UBR3: variants seen among roughly 807,000 people sequenced by gnomAD.
The protein encoded by UBR3 is E3 ubiquitin-protein ligase UBR3.
Under a neutral mutation model 243.2 loss-of-function variants are expected in UBR3, and 85 were observed. The observed-to-expected ratio is 0.35, with a 90% CI of 0.29 to 0.42. The LOEUF (loss-of-function observed/expected upper bound fraction) is 0.42, where lower values mean the gene tolerates loss of function less well. Ranked by LOEUF, UBR3 falls within the 10% of genes least tolerant of loss-of-function variation. The probability of loss-of-function intolerance (pLI) is 1.00; values close to 1 mark genes in which losing one functional copy is unlikely to be tolerated. For missense variants in UBR3, 1,686 were observed against 2,300.8 expected (o/e 0.73, Z 5.47); for synonymous variants, 748 against 799.8 (o/e 0.94, Z 1.09).
chr2:169,929,002 G>T, intron 18 of UBR3, 134 bp downstream of exon 18: 1 of 763,328 alleles, frequency 1.3e-6, no homozygotes, highest in Non-Finnish European at 1.8e-6. Context: ...TGTTATAAAT[G>T]TATGTCTTTA....
rs552821302 is a variant in UBR3 at position 170,080,496 on chromosome 2, T to C, written c.5410-49T>C. ...CATTAATATATTCTTGATTTTATTA[T>C]AAAGCCTATTTGATTATGAAGTTCA... On this transcript the variant is annotated intron_variant, in intron 37 of 38. Transcript: ENST00000272793. The C allele has an allele frequency of 2.7e-6, 4 of 1,493,714 alleles. No individual in the cohort carries two copies. The South Asian group carries it at 4.0e-5, about 15-fold the overall frequency. The allele number at this position is 1,493,714 out of a possible 1,614,324, so 92.5% of individuals were successfully genotyped here.
intron 5 of UBR3, among the ~76,000 whole-genome samples, chr2:169,881,880 T>C (rs1304808621): frequency 2.2e-5 from 3 of 133,692 alleles, no homozygotes; most frequent in African/African-American, 8.2e-5. Context: ...TACATATAGG[T>C]ATATGTGTAC....
At chr2:169,886,978 A>G (rs2084126620) in intron 5 of UBR3, among the ~76,000 whole-genome samples, 1 of 152,060 alleles carries the variant, frequency 6.6e-6, no homozygotes, top group Non-Finnish European at 1.5e-5. Context: ...TTCTTTGAGT[A>G]TTGTTGTAAC....
chr2:169,852,467 G>A (rs2082688413), intron 1 of UBR3, among the ~76,000 whole-genome samples: 1 of 152,056 alleles, frequency 6.6e-6, no homozygotes, highest in Non-Finnish European at 1.5e-5. Flanking sequence ...TGCCTATGGC[G>A]GCTTTCACTC....
At chr2:169,856,079 G>T (rs2082841405) in intron 1 of UBR3, among the ~76,000 whole-genome samples, 1 of 151,542 alleles carries the variant, frequency 6.6e-6, no homozygotes, top group Non-Finnish European at 1.5e-5. Flanking sequence ...CCCAGACGGG[G>T]CGGCTGCCGG....
At chr2:169,836,794 T>C (rs1037972276) in intron 1 of UBR3, among the ~76,000 whole-genome samples, 1 of 152,202 alleles carries the variant, frequency 6.6e-6, no homozygotes, top group African/African-American at 2.4e-5. Context: ...GGCTTCTTTC[T>C]TGGTGAACTG....
intron 19 of UBR3, among the ~76,000 whole-genome samples, chr2:169,940,520 A>G (rs73015785): frequency 0.044 from 6,628 of 152,252 alleles, 166 homozygotes; most frequent in Middle Eastern, 0.068. Context: ...TGCATTCTAC[A>G]TAGTCAATTT....
chr2:169,991,908 A>G (rs73017675), intron 25 of UBR3, among the ~76,000 whole-genome samples: 6,519 of 152,242 alleles, frequency 0.043, 155 homozygotes, highest in Middle Eastern at 0.061. Context: ...TAAACAACCA[A>G]TGGGCCAAAG....
At chr2:170,070,814 T>A (rs1007517418) in intron 35 of UBR3, among the ~76,000 whole-genome samples, 1 of 152,174 alleles carries the variant, frequency 6.6e-6, no homozygotes, top group African/African-American at 2.4e-5. Context: ...GAATTGTATA[T>A]ATTAAAAGAG....
rs756685691 is a variant in UBR3, at chr2:169,872,320, T to C, written c.630T>C (p.Leu210=). Residue 210 remains leucine, a synonymous_variant, in exon 2 of 39, where the codon CTT becomes CTC. Coordinates refer to ENST00000272793, the MANE Select transcript of UBR3 (RefSeq NM_172070.4). ...KDLLMMSEFV[L]PRFIFCLIQY... is the part of the protein sequence containing the mutation. ...TACTGATGATGTCTGAATTTGTTCT[T>C]CCAAGATTTATATTTTGTCTTATTC... 6.2e-5 allele frequency: 94 copies of C among 1,526,588 alleles called. No homozygotes were observed. The African/African-American group carries it at 1.2e-3, about 19-fold the overall frequency. 94.6% of individuals were successfully genotyped at this position (1,526,588 alleles called of 1,614,324 possible). A position where few individuals can be genotyped will look rare whatever the true frequency, so the allele number is the denominator to read the frequency against.
rs371983296 is a variant in UBR3, at chr2:169,958,268, G to A, written c.3546-170G>A. ...AGTTTGTAACCTTTTAAAATTAGTA[G>A]AATCCTTTTAAGGACAATCAAGTAT... On this transcript the variant is annotated intron_variant, in intron 23 of 38. Coordinates refer to ENST00000272793, the MANE Select transcript of UBR3 (RefSeq NM_172070.4). 6.6e-5 allele frequency among the ~76,000 whole-genome samples: 10 copies of A among 152,132 alleles called. No homozygotes were observed. The East Asian group carries it at 1.9e-3, about 29-fold the overall frequency.
chr2:170,066,440 G>A (rs1225157387), intron 35 of UBR3, among the ~76,000 whole-genome samples: 1 of 152,122 alleles, frequency 6.6e-6, no homozygotes, highest in Non-Finnish European at 1.5e-5. Context: ...TGTTTGTAAA[G>A]TAGTTTGTGT....
At chr2:170,076,705 A>G (rs1356799009) in intron 36 of UBR3, among the ~76,000 whole-genome samples, 1 of 152,250 alleles carries the variant, frequency 6.6e-6, no homozygotes, top group African/African-American at 2.4e-5. Context: ...TCCGTGATCC[A>G]GCACACCTCA....
intron 24 of UBR3, among the ~76,000 whole-genome samples, chr2:169,985,782 G>A (rs6708186): frequency 0.054 from 8,241 of 152,074 alleles, 409 homozygotes; most frequent in African/African-American, 0.13. Context: ...AGTATCAGAT[G>A]TGTGTATATC....
intron 30 of UBR3, among the ~76,000 whole-genome samples, chr2:170,028,474 ATATGT>A (rs1191012558): frequency 1.3e-5 from 2 of 151,890 alleles, no homozygotes; most frequent in South Asian, 2.1e-4. Flanking sequence ...AATTTTAATC[ATATGT>A]TAAGAAGTAT....
intron 32 of UBR3, among the ~76,000 whole-genome samples, chr2:170,055,226 C>T (rs969902417): frequency 2.0e-5 from 3 of 152,138 alleles, no homozygotes; most frequent in Non-Finnish European, 2.9e-5. Flanking sequence ...ATGAGAGGAT[C>T]GCTTGAGCTT....
intron 1 of UBR3, among the ~76,000 whole-genome samples, chr2:169,828,974 C>A (rs936177045): frequency 1.3e-5 from 2 of 152,064 alleles, no homozygotes; most frequent in African/African-American, 4.8e-5. Flanking sequence ...AACATGATGT[C>A]AATGTCAGGG....
intron 35 of UBR3, among the ~76,000 whole-genome samples, chr2:170,068,743 GA>G (rs199903173): frequency 6.7e-6 from 1 of 148,690 alleles, no homozygotes; most frequent in Non-Finnish European, 1.5e-5. Context: ...TGATTGATAA[GA>G]AAAAAAAAGG....
intron 1 of UBR3, among the ~76,000 whole-genome samples, chr2:169,834,975 TACAG>T (rs979678960): frequency 5.9e-5 from 9 of 152,128 alleles, no homozygotes; most frequent in Non-Finnish European, 1.2e-4. Flanking sequence ...GTCAAATTCA[TACAG>T]ACAGAAAGTA....
Sources: gnomAD v4.1 joint callset for allele counts (sites outside exome capture counted in the v4.1 genomes callset) on GRCh38, gnomAD v4.1.1 for gene constraint, MANE v1.5 for transcripts, NCBI Gene and HGNC (gene_info 2026-07-23, HGNC 2026-07-21) for gene names.